ZCCHC7: variants seen among roughly 807,000 people sequenced by gnomAD.
ZCCHC7 encodes the protein zinc finger CCHC domain-containing protein 7.
In ZCCHC7, 35 loss-of-function variants were observed where a neutral mutation model predicts 52.0. The ratio of observed to expected loss-of-function variants is 0.67; its 90% CI spans 0.51 to 0.89. ZCCHC7 has a LOEUF of 0.89. Ranked by LOEUF, ZCCHC7 falls within the 40% of genes least tolerant of loss-of-function variation. The pLI is 0.00. For synonymous variants in ZCCHC7, 217 were observed against 221.5 expected (o/e 0.98, Z 0.18); for missense variants, 574 against 649.1 (o/e 0.88, Z 1.26).
chr9:37,314,748 TTAAA>T (rs1305535374), intron 5 of ZCCHC7, among the ~76,000 whole-genome samples: 25 of 130,180 alleles, frequency 1.9e-4, no homozygotes, highest in African/African-American at 6.0e-4. Context: ...CCGATCTCTT[TTAAA>T]AAAAAAAAAA....
At chr9:37,349,483 A>G (rs1280293878) in intron 7 of ZCCHC7, 31 bp downstream of exon 7, 1 of 1,596,798 alleles carries the variant, frequency 6.3e-7, no homozygotes, top group East Asian at 2.2e-5. Flanking sequence ...GGCATGAAGC[A>G]TTCTGTTGTC....
intron 2 of ZCCHC7, among the ~76,000 whole-genome samples, chr9:37,213,061 A>T (rs1824325097): frequency 6.6e-6 from 1 of 152,140 alleles, no homozygotes; most frequent in South Asian, 2.1e-4. Context: ...TCTGTTTTTT[A>T]AAACCATTTT....
chr9:37,298,925 C>T (rs1427934774), intron 2 of ZCCHC7, among the ~76,000 whole-genome samples: 2 of 152,174 alleles, frequency 1.3e-5, no homozygotes, highest in African/African-American at 4.8e-5. Flanking sequence ...TCACCTTGTC[C>T]TCTACTAAGG....
chr9:37,269,942 A>G (rs1204516400), intron 2 of ZCCHC7, among the ~76,000 whole-genome samples: 6 of 152,150 alleles, frequency 3.9e-5, no homozygotes, highest in Non-Finnish European at 5.9e-5. Flanking sequence ...TCACAAGCAT[A>G]GATAGGCAGG....
intron 7 of ZCCHC7, among the ~76,000 whole-genome samples, chr9:37,349,879 C>A (rs965945517): frequency 1.3e-5 from 2 of 152,054 alleles, no homozygotes; most frequent in African/African-American, 4.8e-5. Context: ...CCTCCTTCTC[C>A]CGGGTTCAAG....
intron 2 of ZCCHC7, among the ~76,000 whole-genome samples, chr9:37,286,469 G>C (rs188671689): frequency 1.2e-4 from 18 of 151,978 alleles, no homozygotes; most frequent in Admixed American, 7.9e-4. Flanking sequence ...ACCAGCCTGG[G>C]CAACATGGTG....
At chr9:37,335,283 G>C (rs773452018) in intron 6 of ZCCHC7, among the ~76,000 whole-genome samples, 7 of 151,992 alleles carry the variant, frequency 4.6e-5, no homozygotes, top group Non-Finnish European at 8.8e-5. Context: ...TATACAGTTG[G>C]GCCAGAAGGG....
Position 37,199,967 on chromosome 9 carries a change from A to G in ZCCHC7, c.610+73025A>G, listed in dbSNP as rs531532994. On this transcript the variant is annotated intron_variant, in intron 2 of 8. Transcript: ENST00000336755. ...GTGATCCACCTGCCTCGGCCTCCCAAAGTGCTGGGATTACAGGCGTGAGCC... is the reference window on the plus strand; with the variant it reads ...GTGATCCACCTGCCTCGGCCTCCCAGAGTGCTGGGATTACAGGCGTGAGCC... 1.8e-3 allele frequency among the ~76,000 whole-genome samples: 268 copies of G among 152,020 alleles called. 1 individual carries two copies. Among genetic ancestry groups the G allele is most frequent in the Non-Finnish European group, 3.4e-3 (229 of 68,000 alleles).
intron 2 of ZCCHC7, among the ~76,000 whole-genome samples, chr9:37,225,922 TTGTC>T (rs1428178570): frequency 2.0e-5 from 3 of 152,188 alleles, no homozygotes; most frequent in Non-Finnish European, 4.4e-5. Context: ...TGGAAGTCAA[TTGTC>T]TGGAAGTCAT....
chr9:37,235,449 T>TTTCCTTTCTTTCCTTCCTTTCCTTCC (rs1212228739), intron 2 of ZCCHC7, among the ~76,000 whole-genome samples: 1 of 151,724 alleles, frequency 6.6e-6, no homozygotes, highest in Non-Finnish European at 1.5e-5. Context: ...CTTTCTTTTC[T>TTTCCTTTCTTTCCTTCCTTTCCTTCC]TTCCTTTCTT....
At chr9:37,224,580 T>A (rs1652773302) in intron 2 of ZCCHC7, among the ~76,000 whole-genome samples, 1 of 152,216 alleles carries the variant, frequency 6.6e-6, no homozygotes, top group Admixed American at 6.5e-5. Context: ...GTGACTTCTG[T>A]AGCTCTTCCC....
intron 5 of ZCCHC7, among the ~76,000 whole-genome samples, chr9:37,315,831 C>A (rs966957885): frequency 1.3e-4 from 14 of 109,048 alleles, no homozygotes; most frequent in African/African-American, 4.9e-4. Context: ...GAACTTTTAC[C>A]TATAGGTAAA....
At chr9:37,235,023 A>G (rs35380979) in intron 2 of ZCCHC7, among the ~76,000 whole-genome samples, 1 of 152,256 alleles carries the variant, frequency 6.6e-6, no homozygotes, top group Non-Finnish European at 1.5e-5. Context: ...TATACACTGT[A>G]TAATGATCAA....
chr9:37,244,776 A>G (rs929660625), intron 2 of ZCCHC7, among the ~76,000 whole-genome samples: 9 of 151,864 alleles, frequency 5.9e-5, no homozygotes, highest in African/African-American at 1.7e-4. Context: ...TTTTTCATAT[A>G]TATTCACTGT....
intron 2 of ZCCHC7, among the ~76,000 whole-genome samples, chr9:37,179,342 T>C (rs1235952547): frequency 6.6e-6 from 1 of 152,174 alleles, no homozygotes; most frequent in African/African-American, 2.4e-5. Context: ...CCCTGTGTGG[T>C]GTGACAGGTA....
At chr9:37,337,401 A>ACCCCC (rs59648311) in intron 6 of ZCCHC7, among the ~76,000 whole-genome samples, 2 of 23,104 alleles carry the variant, frequency 8.7e-5, no homozygotes, top group African/African-American at 4.2e-4. Flanking sequence ...CTACCCACCC[A>ACCCCC]CCCCCCCCCC....
chr9:37,237,395 G>A (rs577132781), intron 2 of ZCCHC7, among the ~76,000 whole-genome samples: 1 of 152,270 alleles, frequency 6.6e-6, no homozygotes, highest in Admixed American at 6.5e-5. Context: ...AATAGATAGT[G>A]ATCCTCTTCT....
intron 7 of ZCCHC7, among the ~76,000 whole-genome samples, chr9:37,350,136 T>TTG (rs1564272731): frequency 3.2e-4 from 18 of 56,270 alleles, no homozygotes; most frequent in African/African-American, 1.4e-3. Context: ...TTTTTTTTGG[T>TTG]TTTTTTTTTG....
intron 2 of ZCCHC7, among the ~76,000 whole-genome samples, chr9:37,259,616 A>T (rs1277305570): frequency 2.0e-5 from 3 of 152,228 alleles, no homozygotes; most frequent in Admixed American, 6.5e-5. Flanking sequence ...TAAATTTAGA[A>T]CATCTAGAGC....
Sources: allele counts gnomAD v4.1 joint callset (sites outside exome capture counted in the v4.1 genomes callset), GRCh38; gene constraint gnomAD v4.1.1; transcripts MANE v1.5; gene names NCBI Gene and HGNC (gene_info 2026-07-23, HGNC 2026-07-21).